The following STXBP5L variants were observed in gnomAD, a reference collection of about 807,000 sequenced individuals.
STXBP5L encodes the protein syntaxin-binding protein 5-like.
STXBP5L carries 65 observed loss-of-function variants against 144.5 expected under a neutral mutation model. The ratio of observed to expected loss-of-function variants is 0.45; its 90% confidence interval spans 0.37 to 0.55. The LOEUF is 0.55. STXBP5L is among the 20% of genes least tolerant of loss of function. The pLI is 0.00. For synonymous variants in STXBP5L, 505 were observed against 469.6 expected (o/e 1.08, Z -0.97); for missense variants, 1,298 against 1,405.5 (o/e 0.92, Z 1.22).
At chr3:121,378,580 A>G in intron 20 of STXBP5L, 136 bp from the exon 21 acceptor site, 1 of 1,018,998 alleles carries the variant, frequency 9.8e-7, no homozygotes, top group Non-Finnish European at 1.3e-6. Context: ...TAAAAGAACA[A>G]GGACTTAACT....
rs529583183 is a variant in STXBP5L at position 121,185,680 on chromosome 3, A to G, written c.878-20243A>G. 2.0e-4 allele frequency among the ~76,000 whole-genome samples: 31 copies of G among 152,330 alleles called. 1 individual carries two copies. The East Asian group carries it at 5.8e-3, about 28-fold the overall frequency. ...ATATCTCTGTTTTGGTACCAGTGCC[A>G]TACTGTTTTGGTTACTATAGCCTTG... On this transcript the variant is annotated intron_variant, in intron 9 of 26. Coordinates refer to ENST00000471454, the MANE Select transcript of STXBP5L (RefSeq NM_001308330.2).
chr3:121,274,831 C>T (rs553377273), intron 18 of STXBP5L, among the ~76,000 whole-genome samples: 24 of 152,174 alleles, frequency 1.6e-4, no homozygotes, highest in African/African-American at 4.3e-4. Flanking sequence ...ATAGCAGTAA[C>T]GTGGGTCCAG....
intron 7 of STXBP5L, among the ~76,000 whole-genome samples, chr3:121,143,293 TAA>T (rs531040209): frequency 7.2e-6 from 1 of 138,974 alleles, no homozygotes. Context: ...GTCCTTAAAT[TAA>T]AAAAAAAAAA....
At chr3:121,309,768 A>C (rs1022988950) in intron 19 of STXBP5L, among the ~76,000 whole-genome samples, 1 of 152,218 alleles carries the variant, frequency 6.6e-6, no homozygotes, top group Non-Finnish European at 1.5e-5. Flanking sequence ...ATTAAGCCAT[A>C]TGTTTATCAC....
Position 121,419,297 on chromosome 3 carries a change from AC to A in STXBP5L, c.*201del, listed in dbSNP as rs1211557087. 3 of 487,066 alleles carry A rather than the reference AC, an allele frequency of 6.2e-6. No individual in the cohort carries two copies. Among genetic ancestry groups the A allele is most frequent in the East Asian group, 6.9e-5 (2 of 28,982 alleles). 30.2% of individuals were successfully genotyped at this position (487,066 alleles called of 1,614,324 possible). ...GGAGCCCTGGTTAAAATCCCAAAATACGGCTGAATTTGCCTTTTCCCATGTG... is the reference window on the plus strand; with the variant it reads ...GGAGCCCTGGTTAAAATCCCAAAATAGGCTGAATTTGCCTTTTCCCATGTG... On this transcript the variant is annotated 3_prime_UTR_variant, in exon 27 of 27. Transcript: ENST00000471454.
chr3:121,047,052 C>T (rs543605597), intron 5 of STXBP5L, among the ~76,000 whole-genome samples: 2 of 151,952 alleles, frequency 1.3e-5, no homozygotes, highest in South Asian at 2.1e-4. Flanking sequence ...GGTATGTTTT[C>T]TTGGTTCTCA....
intron 2 of STXBP5L, among the ~76,000 whole-genome samples, chr3:120,945,309 A>G (rs1371868765): frequency 1.3e-5 from 2 of 151,826 alleles, no homozygotes; most frequent in Non-Finnish European, 2.9e-5. Flanking sequence ...TCTTCTACCT[A>G]GAATAATTTT....
intron 3 of STXBP5L, among the ~76,000 whole-genome samples, chr3:120,995,189 C>T (rs571172253): frequency 1.3e-5 from 2 of 152,244 alleles, no homozygotes; most frequent in African/African-American, 2.4e-5. Flanking sequence ...TCTCTGTCAT[C>T]CAGGCTGGAA....
rs1426447263 is a variant in STXBP5L at position 121,378,843 on chromosome 3, G to C, written c.2304G>C (p.Gln768His). 2 of 1,613,704 alleles carry C rather than the reference G, an allele frequency of 1.2e-6. No homozygotes were observed. Among genetic ancestry groups the C allele is most frequent in the Non-Finnish European group, 1.7e-6 (2 of 1,179,798 alleles). Residue 768 changes from glutamine (Q) to histidine (H), a missense_variant, in exon 21 of 27, where the codon CAG becomes CAC. By Grantham distance (24) the Gln-to-His change is conservative. Coordinates refer to ENST00000471454, the MANE Select transcript of STXBP5L (RefSeq NM_001308330.2). ...GPGRPPFRKA[Q>H]SAACMEISLP... Reference sequence around the variant, plus strand: ...GAAGACCACCATTTCGAAAGGCCCAGTCAGCAGCCTGCATGGAGATTTCTT... The same window carrying C: ...GAAGACCACCATTTCGAAAGGCCCACTCAGCAGCCTGCATGGAGATTTCTT...
intron 5 of STXBP5L, among the ~76,000 whole-genome samples, chr3:121,095,194 A>T (rs914440190): frequency 6.6e-6 from 1 of 151,214 alleles, no homozygotes; most frequent in Admixed American, 6.6e-5. Flanking sequence ...GGGTAACCCG[A>T]CCTCTCTCTC....
intron 5 of STXBP5L, among the ~76,000 whole-genome samples, chr3:121,082,103 A>G (rs1012155413): frequency 2.0e-5 from 3 of 152,132 alleles, no homozygotes; most frequent in African/African-American, 7.2e-5. Context: ...TCTAGTTCCT[A>G]TGGCTTTCTA....
intron 3 of STXBP5L, among the ~76,000 whole-genome samples, chr3:120,979,978 T>C (rs1033696344): frequency 6.6e-6 from 1 of 152,240 alleles, no homozygotes; most frequent in Non-Finnish European, 1.5e-5. Context: ...TCATTATTGA[T>C]GCAACAATCT....
intron 20 of STXBP5L, among the ~76,000 whole-genome samples, chr3:121,338,964 C>T (rs2044609708): frequency 6.6e-6 from 1 of 152,044 alleles, no homozygotes; most frequent in Non-Finnish European, 1.5e-5. Flanking sequence ...CAAATTCTAC[C>T]AGACATTCAA....
chr3:121,112,049 C>T (rs2044011764), intron 5 of STXBP5L, among the ~76,000 whole-genome samples: 1 of 152,092 alleles, frequency 6.6e-6, no homozygotes, highest in Non-Finnish European at 1.5e-5. Context: ...GAGAATTCCT[C>T]CTGAGTCCAA....
chr3:121,297,354 T>C (rs145470860), intron 19 of STXBP5L, among the ~76,000 whole-genome samples: 82 of 152,204 alleles, frequency 5.4e-4, no homozygotes, highest in African/African-American at 1.9e-3. Flanking sequence ...AGCAGAAAAT[T>C]GTGACTCATA....
At chr3:121,186,608 A>G (rs1379195951) in intron 9 of STXBP5L, among the ~76,000 whole-genome samples, 2 of 152,056 alleles carry the variant, frequency 1.3e-5, no homozygotes, top group African/African-American at 2.4e-5. Context: ...TTTGATTTTC[A>G]TATGTTGAAC....
intron 5 of STXBP5L, among the ~76,000 whole-genome samples, chr3:121,048,983 G>C (rs1455429159): frequency 6.6e-6 from 1 of 152,180 alleles, no homozygotes; most frequent in Non-Finnish European, 1.5e-5. Flanking sequence ...AGGGCAACAG[G>C]AGCAAGGGCT....
At chr3:121,416,957 T>C (rs2047253978) in intron 25 of STXBP5L, among the ~76,000 whole-genome samples, 1 of 152,236 alleles carries the variant, frequency 6.6e-6, no homozygotes, top group South Asian at 2.1e-4. Flanking sequence ...TCTAGGTTCC[T>C]TCATACAATA....
At chr3:121,311,387 G>T (rs1001682521) in intron 19 of STXBP5L, among the ~76,000 whole-genome samples, 2 of 152,120 alleles carry the variant, frequency 1.3e-5, no homozygotes, top group African/African-American at 4.8e-5. Context: ...GCTTTATTTA[G>T]TATAGTAAAG....
Sources: gnomAD v4.1 joint callset for allele counts (sites outside exome capture counted in the v4.1 genomes callset) on GRCh38, gnomAD v4.1.1 for gene constraint, MANE v1.5 for transcripts, NCBI Gene and HGNC (gene_info 2026-07-23, HGNC 2026-07-21) for gene names.